The following FAM219B variants were observed in gnomAD, a reference collection of about 807,000 sequenced individuals.
The protein encoded by FAM219B is family with sequence similarity 219 member B.
FAM219B carries 18 observed loss-of-function variants against 19.9 expected under a neutral mutation model. That is an observed-to-expected ratio of 0.91 (90% CI 0.63 to 1.34). The LOEUF (loss-of-function observed/expected upper bound fraction) is 1.34, where lower values mean the gene tolerates loss of function less well. Among genes scored for constraint, FAM219B ranks in the 40% most tolerant of loss-of-function variants. The pLI, the probability that FAM219B is intolerant of heterozygous loss-of-function variation, is 0.00. For synonymous variants in FAM219B, 123 were observed against 117.5 expected (o/e 1.05, Z -0.30); for missense variants, 283 against 270.5 (o/e 1.05, Z -0.32).
Position 74,906,704 on chromosome 15 carries a change from GC to G in FAM219B, c.96del (p.Pro33HisfsTer29). 7.1e-7 allele frequency: 1 copy of G among 1,407,582 alleles called. No homozygotes were observed. The highest frequency in any genetic ancestry group is 9.3e-7 in the Non-Finnish European group (1 of 1,079,454). 87.2% of individuals were successfully genotyped at this position (1,407,582 alleles called of 1,614,324 possible). On this transcript the variant is annotated frameshift_variant, in exon 1 of 5. Transcript: ENST00000357635. LOFTEE classifies it high-confidence loss of function. ...GARDRAPGAAGPPSGQIGNRA... is the reference protein window; with the variant it reads ...GARDRAPGAAXPPSGQIGNRA... ...CTATTACCGATCTGCCCGGAGGGTG[GC>G]CCCGCAGCTCCCGGCGCGCGGTCCC...
downstream of FAM219B, chr15:74,898,955 A>G (rs2064865937): frequency 2.0e-5 from 3 of 152,404 alleles, no homozygotes; most frequent in South Asian, 6.2e-4. Context: ...CCACAGTGGC[A>G]AAGTTGAAGA....
At chr15:74,905,539 T>G (rs1388215467) in intron 2 of FAM219B, 1 of 295,446 alleles carries the variant, frequency 3.4e-6, no homozygotes, top group Non-Finnish European at 6.8e-6. Context: ...TTTTCCTGCC[T>G]CAGCCTCTTG....
intron 4 of FAM219B, among the ~76,000 whole-genome samples, chr15:74,903,793 TAG>T: frequency 6.6e-6 from 1 of 152,024 alleles, no homozygotes; most frequent in East Asian, 1.9e-4. Flanking sequence ...GCAAGTGGTG[TAG>T]AGTCAGGTCC....
In FAM219B at chr15:74,906,300, G is replaced by A. The variant is rs768301551; in HGVS notation, c.280C>T (p.Arg94Cys). The change falls in exon 2 of 5, where the codon CGC becomes TGC. Residue 94 changes from arginine (R) to cysteine (C), a missense_variant. Coordinates refer to ENST00000357635, the MANE Select transcript of FAM219B (RefSeq NM_020447.5). Reference protein sequence around the residue: ...RKGMLGASPNRPDSSGKRSVK... With the variant: ...RKGMLGASPNCPDSSGKRSVK... Reference sequence around the variant, plus strand: ...GACCTTTTCCCTGAAGAGTCTGGGCGGTTCGGCGAGGCCCCCAGCATGCCT... The same window carrying A: ...GACCTTTTCCCTGAAGAGTCTGGGCAGTTCGGCGAGGCCCCCAGCATGCCT... 11 of 1,613,602 alleles carry A rather than the reference G, an allele frequency of 6.8e-6. No homozygotes were observed. Among genetic ancestry groups the A allele is most frequent in the African/African-American group, 2.7e-5 (2 of 75,066 alleles).
intron 4 of FAM219B, among the ~76,000 whole-genome samples, chr15:74,904,291 T>C (rs2065095855): frequency 6.6e-6 from 1 of 152,116 alleles, no homozygotes. Context: ...TAGAAGACTT[T>C]TATTTTAGAG....
Position 74,901,134 on chromosome 15 carries a change from G to A in FAM219B, c.*1485C>T, listed in dbSNP as rs1364285372. 1 of 152,166 alleles carries A rather than the reference G, an allele frequency of 6.6e-6. No individual in the cohort carries two copies. The highest frequency in any genetic ancestry group is 2.4e-5 in the African/African-American group (1 of 41,402). The allele number at this position is 152,166 out of a possible 1,614,324, so 9.4% of individuals were successfully genotyped here. A position where few individuals can be genotyped will look rare whatever the true frequency, so the allele number is the denominator to read the frequency against. ...CCTATACCCCAATCCCGACTATTGG[G>A]CTGGGAACCCTGTCTATGCCCATTC... On this transcript the variant is annotated 3_prime_UTR_variant, in exon 5 of 5. Coordinates refer to ENST00000357635, the MANE Select transcript of FAM219B (RefSeq NM_020447.5).
Position 74,906,577 on chromosome 15 carries a change from C to T in FAM219B, c.214+10G>A. 1 of 1,500,980 alleles carries T rather than the reference C, an allele frequency of 6.7e-7. No homozygotes were observed. The highest frequency in any genetic ancestry group is 1.4e-5 in the South Asian group (1 of 72,888). 93.0% of individuals were successfully genotyped at this position (1,500,980 alleles called of 1,614,324 possible). A position where few individuals can be genotyped will look rare whatever the true frequency, so the allele number is the denominator to read the frequency against. On this transcript the variant is annotated intron_variant, in intron 1 of 4. Transcript: ENST00000357635. ...GGAGAAACCTCCCCCGACCATCGGG[C>T]CACACTCACGCAGCTTGGCTTGAAT...
At position 74,902,698 on chromosome 15, in the gene FAM219B, G is replaced by A. The variant is rs768740248; in HGVS notation, c.518C>T (p.Pro173Leu). 1.2e-6 allele frequency: 2 copies of A among 1,613,204 alleles called. No individual in the cohort carries two copies. Among genetic ancestry groups the A allele is most frequent in the Admixed American group, 1.7e-5 (1 of 59,908 alleles). The change falls in exon 5 of 5, where the codon CCC becomes CTC. Residue 173 changes from proline to leucine, a missense_variant. By Grantham distance (98) the Pro-to-Leu change is moderately conservative. Transcript: ENST00000357635. ...IPDDEDLDLI[P>L]PKPMASSTCS... is the part of the protein sequence containing the mutation. ...TGTTGAAGAGGCCATGGGCTTAGGG[G>A]GGATGAGGTCCAAGTCCTCGTCATC...
chr15:74,906,571 A>G lies in FAM219B; in HGVS notation c.214+16T>C. ...GCCCAGGGAGAAACCTCCCCCGACC[A>G]TCGGGCCACACTCACGCAGCTTGGC... On this transcript the variant is annotated intron_variant, in intron 1 of 4. Coordinates refer to ENST00000357635, the MANE Select transcript of FAM219B (RefSeq NM_020447.5). 1 of 1,497,110 alleles carries G rather than the reference A, an allele frequency of 6.7e-7. No individual in the cohort carries two copies. Among genetic ancestry groups the G allele is most frequent in the Non-Finnish European group, 8.9e-7 (1 of 1,124,174 alleles). 92.7% of individuals were successfully genotyped at this position (1,497,110 alleles called of 1,614,324 possible). A position where few individuals can be genotyped will look rare whatever the true frequency, so the allele number is the denominator to read the frequency against.
In FAM219B at chr15:74,902,033, A is replaced by G. The variant is rs2064980472; in HGVS notation, c.*586T>C. 2 of 398,252 alleles carry G rather than the reference A, an allele frequency of 5.0e-6. No individual in the cohort carries two copies. The highest frequency in any genetic ancestry group is 4.1e-5 in the African/African-American group (2 of 48,650). 24.7% of individuals were successfully genotyped at this position (398,252 alleles called of 1,614,324 possible). Reference sequence around the variant, plus strand: ...CTGCTGTATCATTAAGCAACCTGCTATGATCCCTGTCATAGTTAGACAGGT... The same window carrying G: ...CTGCTGTATCATTAAGCAACCTGCTGTGATCCCTGTCATAGTTAGACAGGT... On this transcript the variant is annotated 3_prime_UTR_variant, in exon 5 of 5. Transcript: ENST00000357635.
At chr15:74,904,236 C>T (rs2065093017) in intron 4 of FAM219B, among the ~76,000 whole-genome samples, 2 of 152,214 alleles carry the variant, frequency 1.3e-5, no homozygotes, top group Non-Finnish European at 2.9e-5. Flanking sequence ...CTAGCAAACA[C>T]TTAGCTGGGA....
At chr15:74,905,614 T>C (rs2065155778) in intron 2 of FAM219B, 1 of 227,682 alleles carries the variant, frequency 4.4e-6, no homozygotes, top group Non-Finnish European at 9.1e-6. Flanking sequence ...GCTTTCACCA[T>C]GTTGGCCAGG....
downstream of FAM219B, chr15:74,898,897 A>G (rs2064865243): frequency 6.6e-6 from 1 of 152,314 alleles, no homozygotes; most frequent in Admixed American, 6.5e-5. Context: ...CTGGCAGGCC[A>G]GTTCTGGCCA....
intron 2 of FAM219B, chr15:74,905,466 C>G (rs2065148421): frequency 2.4e-6 from 1 of 421,960 alleles, no homozygotes; most frequent in Admixed American, 3.5e-5. Context: ...CCCTGTCACC[C>G]AGGCTGCAGT....
chr15:74,904,742 G>A lies in FAM219B; in HGVS notation c.381-30C>T, dbSNP rs144575000. 9.9e-5 allele frequency: 160 copies of A among 1,614,002 alleles called. 1 individual carries two copies. In the African/African-American group the frequency reaches 1.9e-3, roughly 19 times the overall value. On this transcript the variant is annotated intron_variant, in intron 3 of 4. Transcript: ENST00000357635. ...GAGAAGAGGAAAACAGTCAGTTCCG[G>A]GAGGTACCTGTGGTGCACAGCTGTA... is the stretch of plus-strand genomic sequence containing the variant.
At position 74,906,651 on chromosome 15, in the gene FAM219B, G is replaced by A. The variant is rs758085505; in HGVS notation, c.150C>T (p.Pro50=). Residue 50 remains proline, a synonymous_variant, in exon 1 of 5, where the codon CCC becomes CCT. Coordinates refer to ENST00000357635, the MANE Select transcript of FAM219B (RefSeq NM_020447.5). ...ATGGCCCCCGCTTTTCCACGGCCGC[G>A]GGGGTGCGCTCCCCCAGACGGAGGG... is the stretch of plus-strand genomic sequence containing the variant. The part of the protein sequence containing the change: ...NRALRLGERT[P]AAVEKRGPYM... 4 of 1,507,950 alleles carry A rather than the reference G, an allele frequency of 2.7e-6. No homozygotes were observed. The highest frequency in any genetic ancestry group is 3.5e-6 in the Non-Finnish European group (4 of 1,132,834). 93.4% of individuals were successfully genotyped at this position (1,507,950 alleles called of 1,614,324 possible). A position where few individuals can be genotyped will look rare whatever the true frequency, so the allele number is the denominator to read the frequency against.
At chr15:74,906,220 T>C (rs1483422181) in intron 2 of FAM219B, 58 bp downstream of exon 2, 8 of 1,576,504 alleles carry the variant, frequency 5.1e-6, no homozygotes, top group Middle Eastern at 1.7e-4. Flanking sequence ...GCCTCCGTCC[T>C]GGGGATTAAA....
chr15:74,905,067 G>T, intron 3 of FAM219B, 87 bp downstream of exon 3: 1 of 1,599,574 alleles, frequency 6.3e-7, no homozygotes, highest in South Asian at 1.1e-5. Flanking sequence ...GGCCTTGGAG[G>T]AGACAGGGAA....
intron 4 of FAM219B, among the ~76,000 whole-genome samples, chr15:74,904,376 G>T (rs6495129): frequency 0.27 from 41,538 of 152,106 alleles, 6,693 homozygotes; most frequent in East Asian, 0.73. Context: ...CAATCCTCCT[G>T]CCTCAGCCTC....
Sources: allele counts gnomAD v4.1 joint callset (sites outside exome capture counted in the v4.1 genomes callset), GRCh38; gene constraint gnomAD v4.1.1; transcripts MANE v1.5; gene names NCBI Gene and HGNC (gene_info 2026-07-23, HGNC 2026-07-21).